Variants in PLAUR observed in about 807,000 individuals in gnomAD.
PLAUR encodes plasminogen activator, urokinase receptor, also known as urokinase plasminogen activator surface receptor.
Under a neutral mutation model 33.4 loss-of-function variants are expected in PLAUR, and 22 were observed. The ratio of observed to expected loss-of-function variants is 0.66; its 90% CI spans 0.47 to 0.94. PLAUR has a LOEUF of 0.94. PLAUR is among the 40% of genes least tolerant of loss of function. PLAUR has a pLI of 0.00. For missense variants in PLAUR, 408 were observed against 434.7 expected (o/e 0.94, Z 0.55); for synonymous variants, 148 against 167.3 (o/e 0.88, Z 0.89).
At position 43,652,261 on chromosome 19, in the gene PLAUR, G is replaced by A; in HGVS notation, c.718C>T (p.Pro240Ser). 1 of 1,614,086 alleles carries A rather than the reference G, an allele frequency of 6.2e-7. No individual in the cohort carries two copies. The highest frequency in any genetic ancestry group is 1.7e-5 in the Admixed American group (1 of 59,990). The change falls in exon 6 of 7, where the codon CCC becomes TCC. Residue 240 changes from proline to serine, a missense_variant. Pro to Ser is a moderately conservative substitution (Grantham distance 74, BLOSUM62 -1). Coordinates refer to ENST00000340093, the MANE Select transcript of PLAUR (RefSeq NM_002659.4). Reference sequence around the variant, plus strand: ...GTGGCTACCAGACATTGATTCATGGGGCCTCGGCAGTCAATGAGGAAAGTC... The same window carrying A: ...GTGGCTACCAGACATTGATTCATGGAGCCTCGGCAGTCAATGAGGAAAGTC... ...EETFLIDCRG[P>S]MNQCLVATGT...
chr19:43,669,168 C>T (rs148483321), intron 1 of PLAUR, among the ~76,000 whole-genome samples: 1 of 152,358 alleles, frequency 6.6e-6, no homozygotes, highest in East Asian at 1.9e-4. Flanking sequence ...CAGAGCCCCC[C>T]ACATTTTCCG....
intron 4 of PLAUR, among the ~76,000 whole-genome samples, 157 bp downstream of exon 4, chr19:43,656,322 T>A (rs938907733): frequency 6.6e-6 from 1 of 151,832 alleles, no homozygotes; most frequent in Admixed American, 6.6e-5. Flanking sequence ...ACTCTGGACC[T>A]GTCCTTGTGG....
At chr19:43,653,634 G>A (rs1438071117) in intron 5 of PLAUR, among the ~76,000 whole-genome samples, 1 of 151,558 alleles carries the variant, frequency 6.6e-6, no homozygotes, top group East Asian at 1.9e-4. Context: ...CCTCCAGCCT[G>A]GCTGACAGAG....
Position 43,648,779 on chromosome 19 carries a change from G to A in PLAUR, c.*111C>T. 3 of 1,181,008 alleles carry A rather than the reference G, an allele frequency of 2.5e-6. No individual in the cohort carries two copies. Among genetic ancestry groups the A allele is most frequent in the Non-Finnish European group, 3.6e-6 (3 of 832,910 alleles). 73.2% of individuals were successfully genotyped at this position (1,181,008 alleles called of 1,614,324 possible). Reference sequence around the variant, plus strand: ...ATAGCTGGGAAAACTGAGGCCCAGAGAGGTCGGCACACTGGCCTGAGGTCA... The same window carrying A: ...ATAGCTGGGAAAACTGAGGCCCAGAAAGGTCGGCACACTGGCCTGAGGTCA... On this transcript the variant is annotated 3_prime_UTR_variant, in exon 7 of 7. Coordinates refer to ENST00000340093, the MANE Select transcript of PLAUR (RefSeq NM_002659.4).
chr19:43,657,164 G>A lies in PLAUR; in HGVS notation c.311-524C>T, dbSNP rs4251874. On this transcript the variant is annotated intron_variant, in intron 3 of 6. Transcript: ENST00000340093. ...TCACCATGTTGGCCAGGCTGGTCTC[G>A]AACTCCTAACCTCAAGTGATCTACA... is the stretch of plus-strand genomic sequence containing the variant. 8.3e-3 allele frequency among the ~76,000 whole-genome samples: 1,258 copies of A among 152,002 alleles called. 22 individuals are homozygous for A. The highest frequency in any genetic ancestry group is 0.027 in the African/African-American group (1,117 of 41,464).
chr19:43,649,241 C>T, intron 6 of PLAUR, 98 bp from the exon 7 acceptor site: 2 of 1,342,070 alleles, frequency 1.5e-6, no homozygotes, highest in Non-Finnish European at 2.1e-6. Flanking sequence ...GTGCCACCTT[C>T]ACTACCACCT....
At chr19:43,667,441 C>T in intron 2 of PLAUR, 140 bp downstream of exon 2, 1 of 640,164 alleles carries the variant, frequency 1.6e-6, no homozygotes. Context: ...TAAATGCTTG[C>T]CAATCTGGTG....
chr19:43,663,477 A>G (rs1240610414), intron 3 of PLAUR, among the ~76,000 whole-genome samples: 1 of 151,920 alleles, frequency 6.6e-6, no homozygotes, highest in African/African-American at 2.4e-5. Flanking sequence ...AGCAGGGTAC[A>G]ATGGCATTAG....
At chr19:43,652,455 AC>A (rs1396380094) in intron 5 of PLAUR, 84 bp from the exon 6 acceptor site, 71 of 1,322,732 alleles carry the variant, frequency 5.4e-5, no homozygotes, top group Non-Finnish European at 5.3e-6. Flanking sequence ...CAGGACTTCC[AC>A]TCCGAGCCAG....
intron 3 of PLAUR, among the ~76,000 whole-genome samples, chr19:43,658,127 G>A (rs979419659): frequency 1.3e-5 from 2 of 152,142 alleles, no homozygotes; most frequent in African/African-American, 2.4e-5. Flanking sequence ...TGCCTTCTGT[G>A]GCTAGATCAT....
downstream of PLAUR, among the ~76,000 whole-genome samples, chr19:43,648,222 C>CTGGA (rs1361479229): frequency 1.3e-5 from 2 of 152,016 alleles, no homozygotes; most frequent in African/African-American, 2.4e-5. Context: ...GTCACCCAGG[C>CTGGA]TGGAGTGCAG....
chr19:43,665,804 C>T (rs946575609), intron 2 of PLAUR, among the ~76,000 whole-genome samples: 5 of 147,974 alleles, frequency 3.4e-5, no homozygotes, highest in African/African-American at 1.3e-4. Context: ...GCTGGAACCA[C>T]AGGCTTACAT....
downstream of PLAUR, chr19:43,646,364 G>T: frequency 1.5e-6 from 1 of 673,028 alleles, no homozygotes; most frequent in Non-Finnish European, 2.7e-6. Context: ...CACATCTGCT[G>T]GGGCTACATG....
At chr19:43,654,089 A>C (rs570687780) in intron 5 of PLAUR, among the ~76,000 whole-genome samples, 1 of 150,884 alleles carries the variant, frequency 6.6e-6, no homozygotes, top group South Asian at 2.1e-4. Flanking sequence ...GCGCCACTGC[A>C]CTCCAGCCTG....
chr19:43,665,781 G>A (rs369552094), intron 2 of PLAUR, among the ~76,000 whole-genome samples: 6 of 76,796 alleles, frequency 7.8e-5, no homozygotes, highest in South Asian at 4.5e-4. Flanking sequence ...GTCCTGCTTC[G>A]GCCTCCCGAG....
At chr19:43,657,651 T>C (rs1974268815) in intron 3 of PLAUR, among the ~76,000 whole-genome samples, 1 of 152,172 alleles carries the variant, frequency 6.6e-6, no homozygotes, top group Non-Finnish European at 1.5e-5. Context: ...CCACTCTGGG[T>C]GGTCACTGTC....
chr19:43,652,917 C>T (rs1458844204), intron 5 of PLAUR, among the ~76,000 whole-genome samples: 3 of 152,122 alleles, frequency 2.0e-5, no homozygotes, highest in African/African-American at 7.2e-5. Context: ...TCCCAATGTT[C>T]TCGGAGTACA....
At chr19:43,658,341 T>G (rs112584850) in intron 3 of PLAUR, among the ~76,000 whole-genome samples, 6 of 152,044 alleles carry the variant, frequency 3.9e-5, no homozygotes, top group African/African-American at 1.5e-4. Flanking sequence ...ACATCTCGAC[T>G]GCAGGCTCAT....
At position 43,652,373 on chromosome 19, in the gene PLAUR, T is replaced by G; in HGVS notation, c.608-2A>C. The G allele has an allele frequency of 6.2e-7, 1 of 1,613,620 alleles. No individual in the cohort carries two copies. The highest frequency in any genetic ancestry group is 8.5e-7 in the Non-Finnish European group (1 of 1,179,692). On this transcript the variant is annotated splice_acceptor_variant, in intron 5 of 6. Coordinates refer to ENST00000340093, the MANE Select transcript of PLAUR (RefSeq NM_002659.4). LOFTEE classifies it high-confidence loss of function. ...GCGGCAGATTTTCAAGCTCCAGGACTTAGGAGAAGACCAGAGACACAGAGA... is the reference window on the plus strand; with the variant it reads ...GCGGCAGATTTTCAAGCTCCAGGACGTAGGAGAAGACCAGAGACACAGAGA...
Sources: gnomAD v4.1 joint callset for allele counts (sites outside exome capture counted in the v4.1 genomes callset) on GRCh38, gnomAD v4.1.1 for gene constraint, MANE v1.5 for transcripts, NCBI Gene and HGNC (gene_info 2026-07-23, HGNC 2026-07-21) for gene names.